The following CCSER1 variants were observed in gnomAD, a reference collection of about 807,000 sequenced individuals.
CCSER1 encodes the protein coiled-coil serine rich protein 1.
In CCSER1, 41 loss-of-function variants were observed where a neutral mutation model predicts 82.0. The observed-to-expected ratio is 0.50, with a 90% CI of 0.39 to 0.65. The LOEUF is 0.65. Ranked by LOEUF, CCSER1 falls within the 30% of genes least tolerant of loss-of-function variation. The pLI is 0.00. For missense variants in CCSER1, 1,119 were observed against 1,064.2 expected, an observed-to-expected ratio of 1.05 and a Z score of -0.72; for synonymous variants, 414 against 383.9, an observed-to-expected ratio of 1.08 and a Z score of -0.92.
intron 5 of CCSER1, among the ~76,000 whole-genome samples, chr4:90,547,956 A>G (rs1159328807): frequency 2.0e-5 from 3 of 152,276 alleles, no homozygotes; most frequent in South Asian, 2.1e-4. Flanking sequence ...CAAATCTCCA[A>G]ATAAATAGGG....
Position 90,216,134 on chromosome 4 carries a change from T to C in CCSER1, c.-42+88303T>C, listed in dbSNP as rs376083424. 2.0e-5 allele frequency among the ~76,000 whole-genome samples: 3 copies of C among 152,178 alleles called. No homozygotes were observed. In the East Asian group the frequency reaches 5.8e-4, roughly 29 times the overall value. On this transcript the variant is annotated intron_variant, in intron 1 of 10. Coordinates refer to ENST00000509176, the MANE Select transcript of CCSER1 (RefSeq NM_001145065.2). The stretch of plus-strand genomic sequence containing the variant: ...TTGCTACTCAAATGTGTGGTGGTTC[T>C]TGAATCAGCACCGTCTGCATCACCT...
chr4:90,630,575 C>T (rs1560845416), intron 6 of CCSER1, among the ~76,000 whole-genome samples: 1 of 151,948 alleles, frequency 6.6e-6, no homozygotes, highest in Non-Finnish European at 1.5e-5. Context: ...GTTTGTGCAG[C>T]CCATTCAGTG....
chr4:91,425,778 A>G (rs1753934333), intron 10 of CCSER1, among the ~76,000 whole-genome samples: 1 of 152,212 alleles, frequency 6.6e-6, no homozygotes, highest in South Asian at 2.1e-4. Flanking sequence ...TCATTTATGC[A>G]AGATCAATAC....
chr4:90,173,068 A>G (rs1055436873), intron 1 of CCSER1, among the ~76,000 whole-genome samples: 5 of 151,820 alleles, frequency 3.3e-5, no homozygotes, highest in African/African-American at 1.2e-4. Flanking sequence ...AACTTGAGCC[A>G]ACTGTGATAC....
intron 8 of CCSER1, among the ~76,000 whole-genome samples, chr4:90,821,311 GAAAT>G (rs1561196521): frequency 6.6e-6 from 1 of 152,110 alleles, no homozygotes; most frequent in Non-Finnish European, 1.5e-5. Context: ...AACAGGGTGG[GAAAT>G]GAGAACAAAA....
chr4:90,991,921 G>T (rs1202566744), intron 9 of CCSER1, among the ~76,000 whole-genome samples: 1 of 151,904 alleles, frequency 6.6e-6, no homozygotes, highest in Non-Finnish European at 1.5e-5. Flanking sequence ...TGACAGTTCT[G>T]GAGTGACCAT....
At chr4:90,533,915 T>C (rs1270870015) in intron 5 of CCSER1, among the ~76,000 whole-genome samples, 2 of 152,232 alleles carry the variant, frequency 1.3e-5, no homozygotes, top group Non-Finnish European at 2.9e-5. Flanking sequence ...GTTCCAGATA[T>C]CATGTCAGGT....
intron 10 of CCSER1, among the ~76,000 whole-genome samples, chr4:91,140,308 T>C (rs977810002): frequency 1.1e-4 from 16 of 151,816 alleles, no homozygotes; most frequent in Non-Finnish European, 1.8e-4. Context: ...GCTGCATAAA[T>C]TATACTAAAA....
At chr4:91,095,419 G>T (rs1352508875) in intron 10 of CCSER1, among the ~76,000 whole-genome samples, 1 of 152,128 alleles carries the variant, frequency 6.6e-6, no homozygotes, top group Non-Finnish European at 1.5e-5. Flanking sequence ...GCCACAGCCA[G>T]CAAATCAGTG....
chr4:90,479,602 C>A (rs1024591468), intron 5 of CCSER1, among the ~76,000 whole-genome samples: 3 of 152,172 alleles, frequency 2.0e-5, no homozygotes, highest in Middle Eastern at 3.4e-3. Context: ...GATCAATTCC[C>A]ACCTATAAGT....
At chr4:91,571,656 TC>T in intron 10 of CCSER1, among the ~76,000 whole-genome samples, 2 of 152,238 alleles carry the variant, frequency 1.3e-5, no homozygotes. Context: ...TCCCACTGGG[TC>T]CCTATGACAT....
chr4:90,663,309 A>G (rs1166777369), intron 6 of CCSER1, among the ~76,000 whole-genome samples: 2 of 152,216 alleles, frequency 1.3e-5, no homozygotes, highest in African/African-American at 4.8e-5. Context: ...CTGAGATTCA[A>G]TCAGGTTTAT....
intron 10 of CCSER1, among the ~76,000 whole-genome samples, chr4:91,453,487 T>C (rs1406601859): frequency 2.0e-5 from 3 of 152,066 alleles, no homozygotes; most frequent in African/African-American, 7.2e-5. Context: ...TCCAGAGCAC[T>C]TTTCTCCTAA....
chr4:91,279,169 T>C (rs1742716696), intron 10 of CCSER1, among the ~76,000 whole-genome samples: 1 of 152,028 alleles, frequency 6.6e-6, no homozygotes, highest in Admixed American at 6.6e-5. Flanking sequence ...TAGAAGTGAG[T>C]CGATGCTTTT....
chr4:90,873,722 A>G (rs1766851490), intron 8 of CCSER1, among the ~76,000 whole-genome samples: 1 of 152,100 alleles, frequency 6.6e-6, no homozygotes, highest in South Asian at 2.1e-4. Context: ...ATGTATATGT[A>G]TGTACATTTT....
chr4:90,450,587 C>T (rs1490069678), intron 4 of CCSER1, among the ~76,000 whole-genome samples: 3 of 152,282 alleles, frequency 2.0e-5, no homozygotes, highest in Non-Finnish European at 4.4e-5. Flanking sequence ...TCTGGTACTT[C>T]GGGTGCTCTC....
At chr4:90,191,415 C>G (rs1295913187) in intron 1 of CCSER1, among the ~76,000 whole-genome samples, 1 of 151,888 alleles carries the variant, frequency 6.6e-6, no homozygotes, top group African/African-American at 2.4e-5. Flanking sequence ...TGGCCTGGCC[C>G]TTTGTTGGTC....
At chr4:90,949,762 A>G (rs1732686220) in intron 9 of CCSER1, among the ~76,000 whole-genome samples, 1 of 149,988 alleles carries the variant, frequency 6.7e-6, no homozygotes, top group Admixed American at 6.8e-5. Flanking sequence ...TTTAATAGCC[A>G]TAATGATTCT....
At chr4:91,136,403 T>G (rs1323199018) in intron 10 of CCSER1, among the ~76,000 whole-genome samples, 1 of 152,218 alleles carries the variant, frequency 6.6e-6, no homozygotes, top group Non-Finnish European at 1.5e-5. Context: ...CTGTTTTAAT[T>G]GCCTGTTTAC....
Sources: allele counts gnomAD v4.1 joint callset (sites outside exome capture counted in the v4.1 genomes callset), GRCh38; gene constraint gnomAD v4.1.1; transcripts MANE v1.5; gene names NCBI Gene and HGNC (gene_info 2026-07-23, HGNC 2026-07-21).